MARCHF5: variants seen among roughly 807,000 people sequenced by gnomAD.
MARCHF5 encodes membrane associated ring-CH-type finger 5.
A neutral mutation model predicts 36.5 loss-of-function variants in MARCHF5; 5 were observed. The ratio of observed to expected loss-of-function variants is 0.14; its 90% CI spans 0.07 to 0.29. The LOEUF (loss-of-function observed/expected upper bound fraction) is 0.29. Among genes scored for constraint, MARCHF5 ranks in the 10% least tolerant of loss-of-function variants. The pLI, the probability that MARCHF5 is intolerant of heterozygous loss-of-function variation, is 1.00. For missense variants in MARCHF5, 179 were observed against 336.3 expected, an observed-to-expected ratio of 0.53 and a Z score of 3.66; for synonymous variants, 103 against 109.9, an observed-to-expected ratio of 0.94 and a Z score of 0.39.
intron 1 of MARCHF5, among the ~76,000 whole-genome samples, chr10:92,306,069 T>A (rs562751035): frequency 6.6e-6 from 1 of 152,240 alleles, no homozygotes; most frequent in Non-Finnish European, 1.5e-5. Context: ...AAAAATCTAC[T>A]GCTTTATGTG....
chr10:92,317,381 G>A (rs762429110), intron 2 of MARCHF5, among the ~76,000 whole-genome samples: 1 of 152,132 alleles, frequency 6.6e-6, no homozygotes, highest in African/African-American at 2.4e-5. Context: ...TTGCAGGTGT[G>A]AGCCACCACG....
At chr10:92,331,802 A>G (rs968673068) in intron 2 of MARCHF5, among the ~76,000 whole-genome samples, 10 of 149,898 alleles carry the variant, frequency 6.7e-5, no homozygotes, top group African/African-American at 9.7e-5. Context: ...GCAATATATG[A>G]ATTTATAGAT....
At chr10:92,297,154 A>T (rs1842956137) in intron 1 of MARCHF5, among the ~76,000 whole-genome samples, 1 of 150,966 alleles carries the variant, frequency 6.6e-6, no homozygotes, top group South Asian at 2.1e-4. Context: ...AGAAAAGTAT[A>T]TTAATAGACT....
chr10:92,299,988 C>T (rs952598636), intron 1 of MARCHF5, among the ~76,000 whole-genome samples: 2 of 151,558 alleles, frequency 1.3e-5, no homozygotes, highest in African/African-American at 4.8e-5. Context: ...ATACTAAGAC[C>T]CCCGTCTCTA....
Position 92,351,864 on chromosome 10 carries a change from A to C in MARCHF5, c.*657A>C, listed in dbSNP as rs1324857529. On this transcript the variant is annotated 3_prime_UTR_variant, in exon 6 of 6. Transcript: ENST00000358935. The stretch of plus-strand genomic sequence containing the variant: ...TAAATTTTATTTACATAATGTTGAC[A>C]TCTCATACTTCATGAAGTAATTTTG... 4 of 151,858 alleles carry C rather than the reference A, an allele frequency of 2.6e-5. No individual in the cohort carries two copies. The highest frequency in any genetic ancestry group is 1.3e-4 in the Admixed American group (2 of 15,164). The allele number at this position is 151,858 out of a possible 1,614,324, so 9.4% of individuals were successfully genotyped here.
chr10:92,308,266 AG>A (rs1843101174), intron 1 of MARCHF5, among the ~76,000 whole-genome samples: 1 of 152,078 alleles, frequency 6.6e-6, no homozygotes, highest in African/African-American at 2.4e-5. Context: ...TAGATCATAT[AG>A]GGTAACTTCG....
chr10:92,339,926 C>T (rs1843555970), intron 2 of MARCHF5, among the ~76,000 whole-genome samples: 1 of 151,958 alleles, frequency 6.6e-6, no homozygotes, highest in Non-Finnish European at 1.5e-5. Context: ...TAAAAACTGG[C>T]TTCATAATCA....
chr10:92,306,840 C>T (rs1843078526), intron 1 of MARCHF5, among the ~76,000 whole-genome samples: 1 of 152,048 alleles, frequency 6.6e-6, no homozygotes, highest in Non-Finnish European at 1.5e-5. Context: ...GTGGTGAAAC[C>T]CCATCTCTAC....
chr10:92,326,917 A>T (rs1336605405), intron 2 of MARCHF5, among the ~76,000 whole-genome samples: 2 of 152,130 alleles, frequency 1.3e-5, no homozygotes, highest in Admixed American at 1.3e-4. Flanking sequence ...TATGTCTGCC[A>T]GCCATGGTGC....
intron 1 of MARCHF5, among the ~76,000 whole-genome samples, chr10:92,295,605 T>G (rs1188712221): frequency 2.0e-5 from 3 of 151,506 alleles, no homozygotes; most frequent in African/African-American, 7.3e-5. Flanking sequence ...AGACGGGGTT[T>G]CACCGTGTTA....
chr10:92,300,809 GCTCTTCTGAC>G (rs1333493554), intron 1 of MARCHF5, among the ~76,000 whole-genome samples: 2 of 151,454 alleles, frequency 1.3e-5, no homozygotes, highest in South Asian at 2.1e-4. Flanking sequence ...TGTTTATAAT[GCTCTTCTGAC>G]CATGTCTGCA....
intron 2 of MARCHF5, among the ~76,000 whole-genome samples, chr10:92,325,154 G>GA (rs1347492968): frequency 6.6e-6 from 1 of 152,062 alleles, no homozygotes; most frequent in African/African-American, 2.4e-5. Flanking sequence ...GCAACATAGT[G>GA]AGACCCTGTC....
intron 3 of MARCHF5, among the ~76,000 whole-genome samples, chr10:92,348,420 C>T (rs1288254872): frequency 6.6e-6 from 1 of 151,866 alleles, no homozygotes. Flanking sequence ...ATCCAGGAGC[C>T]GGAGGTTGCA....
chr10:92,297,870 T>G (rs1842966614), intron 1 of MARCHF5, among the ~76,000 whole-genome samples: 1 of 152,184 alleles, frequency 6.6e-6, no homozygotes, highest in African/African-American at 2.4e-5. Flanking sequence ...TAATTTGACT[T>G]TCATTCCCCT....
intron 1 of MARCHF5, among the ~76,000 whole-genome samples, chr10:92,302,547 C>T (rs941846690): frequency 3.3e-5 from 5 of 151,506 alleles, no homozygotes; most frequent in African/African-American, 9.7e-5. Flanking sequence ...CGAGTTCAAG[C>T]GATTTTCCTG....
chr10:92,305,815 ATCTACTCAGGAG>A (rs1843067660), intron 1 of MARCHF5, among the ~76,000 whole-genome samples: 1 of 152,172 alleles, frequency 6.6e-6, no homozygotes, highest in Non-Finnish European at 1.5e-5. Context: ...AACTAGTCCC[ATCTACTCAGGAG>A]GCGGAGGTGG....
chr10:92,291,591 C>T, intron 1 of MARCHF5, 62 bp downstream of exon 1: 3 of 1,471,036 alleles, frequency 2.0e-6, no homozygotes, highest in Non-Finnish European at 2.7e-6. Flanking sequence ...TGCCCGCGCC[C>T]GCCCTCGAGG....
chr10:92,310,856 A>G (rs1242500418), intron 1 of MARCHF5, among the ~76,000 whole-genome samples: 1 of 152,228 alleles, frequency 6.6e-6, no homozygotes, highest in Admixed American at 6.5e-5. Context: ...ACTCTGGTTC[A>G]TTAGAGAAGG....
chr10:92,331,323 C>T (rs905386672), intron 2 of MARCHF5, among the ~76,000 whole-genome samples: 1 of 151,844 alleles, frequency 6.6e-6, no homozygotes, highest in East Asian at 1.9e-4. Context: ...TGGAATTGGC[C>T]TTCTTTTCAC....
Sources: allele counts gnomAD v4.1 joint callset (sites outside exome capture counted in the v4.1 genomes callset), GRCh38; gene constraint gnomAD v4.1.1; transcripts MANE v1.5; gene names NCBI Gene and HGNC (gene_info 2026-07-23, HGNC 2026-07-21).